The following PDK3 variants were observed in gnomAD, a reference collection of about 807,000 sequenced individuals.
PDK3 encodes pyruvate dehydrogenase kinase 3.
Under a neutral mutation model 32.0 loss-of-function variants are expected in PDK3, and 12 were observed. The observed-to-expected ratio is 0.37, with a 90% CI of 0.24 to 0.61. The LOEUF (loss-of-function observed/expected upper bound fraction) is 0.61. PDK3 is among the 20% of genes least tolerant of loss of function. The pLI is 0.65. For synonymous variants in PDK3, 122 were observed against 116.3 expected (o/e 1.05, Z -0.31); for missense variants, 188 against 316.9 (o/e 0.59, Z 3.09).
intron 1 of PDK3, among the ~76,000 whole-genome samples, chrX:24,476,442 A>G (rs988568466): frequency 2.7e-5 from 3 of 112,222 alleles, no homozygotes; most frequent in Non-Finnish European, 3.8e-5. Context: ...GGTCATATGC[A>G]AATACTCTAG....
exon 12 of PDK3, among the ~76,000 whole-genome samples, chrX:24,542,132 T>C (rs1922905492): frequency 8.9e-6 from 1 of 112,045 alleles, no homozygotes; most frequent in Non-Finnish European, 1.9e-5. Flanking sequence ...GTGAAAGTGC[T>C]GAATTTCCTT....
intron 5 of PDK3, among the ~76,000 whole-genome samples, chrX:24,517,066 G>A (rs1922273046): frequency 9.0e-6 from 1 of 111,045 alleles, no homozygotes; most frequent in African/African-American, 3.3e-5. Flanking sequence ...AAAGTGCTGG[G>A]ATTACAGGTG....
downstream of PDK3, chrX:24,539,050 TG>T (rs762530759): frequency 2.7e-5 from 16 of 583,774 alleles, no homozygotes; most frequent in African/African-American, 3.7e-4. Context: ...ATCACTATAA[TG>T]AAATACTCTA....
chrX:24,483,491 G>T (rs754734100), intron 1 of PDK3, among the ~76,000 whole-genome samples: 24 of 111,686 alleles, frequency 2.1e-4, no homozygotes, highest in Non-Finnish European at 4.1e-4. Flanking sequence ...ACACCATATT[G>T]ACTGTTACTG....
intron 1 of PDK3, among the ~76,000 whole-genome samples, chrX:24,480,516 C>T (rs377690362): frequency 6.3e-5 from 7 of 111,965 alleles, no homozygotes; most frequent in East Asian, 2.8e-4. Context: ...TCAATTGCTG[C>T]GGGTAGGAGT....
At chrX:24,537,655 C>T (rs1922809828), downstream of PDK3, among the ~76,000 whole-genome samples, 1 of 111,166 alleles carries the variant, frequency 9.0e-6, no homozygotes, top group Admixed American at 9.6e-5. Flanking sequence ...ATCCTGAAAA[C>T]CTTGATTTTT....
chrX:24,479,561 A>G (rs1476853984), intron 1 of PDK3, among the ~76,000 whole-genome samples: 1 of 111,333 alleles, frequency 9.0e-6, no homozygotes, highest in Non-Finnish European at 1.9e-5. Flanking sequence ...AGGCAGGCAG[A>G]TCACCTGAGA....
intron 2 of PDK3, among the ~76,000 whole-genome samples, chrX:24,496,011 A>C (rs1020249521): frequency 1.8e-5 from 2 of 111,939 alleles, no homozygotes; most frequent in Non-Finnish European, 1.9e-5. Context: ...TATTCCGGCA[A>C]AGTATAGGCT....
intron 2 of PDK3, among the ~76,000 whole-genome samples, chrX:24,495,567 G>A (rs1012965341): frequency 1.8e-5 from 2 of 112,309 alleles, no homozygotes; most frequent in Admixed American, 1.9e-4. Flanking sequence ...ATTAGAAAGG[G>A]TACAATTCAG....
intron 1 of PDK3, among the ~76,000 whole-genome samples, chrX:24,476,425 G>A (rs987616705): frequency 2.7e-5 from 3 of 112,137 alleles, no homozygotes; most frequent in Non-Finnish European, 5.6e-5. Context: ...ATGGAAGGAT[G>A]TGCATAGGTC....
At chrX:24,478,345 A>G (rs1270215645) in intron 1 of PDK3, among the ~76,000 whole-genome samples, 1 of 111,709 alleles carries the variant, frequency 9.0e-6, no homozygotes. Context: ...CTGTAGTCCC[A>G]GCTACTCAGG....
chrX:24,514,101 A>G (rs1170100198), intron 5 of PDK3, among the ~76,000 whole-genome samples: 1 of 112,011 alleles, frequency 8.9e-6, no homozygotes, highest in African/African-American at 3.2e-5. Flanking sequence ...ATTTGATAGC[A>G]GAGTTCTGTG....
At chrX:24,529,586 T>C (rs1343760220) in intron 9 of PDK3, among the ~76,000 whole-genome samples, 1 of 110,508 alleles carries the variant, frequency 9.0e-6, no homozygotes, top group African/African-American at 3.3e-5. Context: ...GGTGAAACCC[T>C]GTCTCTACTA....
chrX:24,497,469 A>G (rs758766008), intron 2 of PDK3, among the ~76,000 whole-genome samples: 40 of 111,603 alleles, frequency 3.6e-4, no homozygotes, highest in African/African-American at 1.2e-3. Flanking sequence ...TATTTTTAGT[A>G]GAGACGGGGT....
At position 24,518,937 on chromosome X, in the gene PDK3, A is replaced by C. The variant is rs762216025; in HGVS notation, c.600A>C (p.Ala200=). The change falls in exon 6 of 11, where the codon GCA becomes GCC. Residue 200 remains alanine (A), a synonymous_variant. Coordinates refer to ENST00000379162, the MANE Select transcript of PDK3 (RefSeq NM_005391.5). ...TCNVADVVKD[A]YETAKMLCEQ... ...AACTTTTTCCTTTTCTTGCAGATGC[A>C]TATGAAACAGCCAAGATGCTGTGTG... 8 of 1,190,194 alleles carry C rather than the reference A, an allele frequency of 6.7e-6. No individual in the cohort carries two copies. The East Asian group carries it at 2.1e-4, about 31-fold the overall frequency.
chrX:24,534,651 A>G (rs977698235), downstream of PDK3, among the ~76,000 whole-genome samples: 1 of 112,815 alleles, frequency 8.9e-6, no homozygotes, highest in African/African-American at 3.2e-5. Context: ...AGCAATGGTT[A>G]AGATGGTAAG....
intron 5 of PDK3, among the ~76,000 whole-genome samples, chrX:24,505,793 C>T (rs773398978): frequency 1.8e-5 from 2 of 111,799 alleles, no homozygotes; most frequent in Non-Finnish European, 3.8e-5. Context: ...GCCCTATATC[C>T]GTAAGTCCCT....
At chrX:24,495,409 T>C (rs1921674797) in intron 2 of PDK3, among the ~76,000 whole-genome samples, 2 of 112,852 alleles carry the variant, frequency 1.8e-5, no homozygotes, top group Admixed American at 1.9e-4. Flanking sequence ...ACTGAAGAAG[T>C]TGAATTTGTG....
At chrX:24,484,844 T>G (rs924637493) in intron 1 of PDK3, among the ~76,000 whole-genome samples, 1 of 108,219 alleles carries the variant, frequency 9.2e-6, no homozygotes, top group Non-Finnish European at 1.9e-5. Context: ...CCATCCCTAT[T>G]CCTCTCTCTC....
Sources: gnomAD v4.1 joint callset for allele counts (sites outside exome capture counted in the v4.1 genomes callset) on GRCh38, gnomAD v4.1.1 for gene constraint, MANE v1.5 for transcripts, NCBI Gene and HGNC (gene_info 2026-07-23, HGNC 2026-07-21) for gene names.